CNTNAP2: variants seen among roughly 807,000 people sequenced by gnomAD.
CNTNAP2 encodes the protein contactin associated protein 2.
In CNTNAP2, 98 loss-of-function variants were observed where a neutral mutation model predicts 155.2. The observed-to-expected ratio is 0.63, with a 90% CI of 0.54 to 0.75. The LOEUF (loss-of-function observed/expected upper bound fraction) is 0.75, where lower values mean the gene tolerates loss of function less well. CNTNAP2 is among the 30% of genes least tolerant of loss of function. The pLI, the probability that CNTNAP2 is intolerant of heterozygous loss-of-function variation, is 0.00. For missense variants in CNTNAP2, 1,727 were observed against 1,688.1 expected (o/e 1.02, Z -0.40); for synonymous variants, 651 against 631.2 (o/e 1.03, Z -0.47).
chr7:146,953,814 A>G (rs1769772790), intron 3 of CNTNAP2, among the ~76,000 whole-genome samples: 1 of 151,956 alleles, frequency 6.6e-6, no homozygotes, highest in African/African-American at 2.4e-5. Flanking sequence ...CAAACTTGTC[A>G]ATGGAAAAGT....
rs192565760 is a variant in CNTNAP2, at chr7:146,804,628, T to A, written c.208+30247T>A. Reference sequence around the variant, plus strand: ...GTAAATATAAAAACACTTATATACATGGCAGATATCACTTGGTATTAATTC... The same window carrying A: ...GTAAATATAAAAACACTTATATACAAGGCAGATATCACTTGGTATTAATTC... On this transcript the variant is annotated intron_variant, in intron 2 of 23. Transcript: ENST00000361727. Among the ~76,000 whole-genome samples, 417 of 152,342 alleles carry A rather than the reference T, an allele frequency of 2.7e-3. 2 individuals are homozygous for A. Among genetic ancestry groups the A allele is most frequent in the Non-Finnish European group, 4.7e-3 (323 of 68,030 alleles).
chr7:146,363,002 C>T (rs10233309), intron 1 of CNTNAP2, among the ~76,000 whole-genome samples: 4,323 of 151,914 alleles, frequency 0.028, 186 homozygotes, highest in African/African-American at 0.099. Context: ...ATCTCTTGAC[C>T]TCATGATCCG....
At chr7:146,391,730 T>C (rs978200281) in intron 1 of CNTNAP2, among the ~76,000 whole-genome samples, 5 of 151,622 alleles carry the variant, frequency 3.3e-5, no homozygotes, top group African/African-American at 1.2e-4. Context: ...TCCATCTATT[T>C]CCCTGCAAAG....
intron 1 of CNTNAP2, among the ~76,000 whole-genome samples, chr7:146,550,399 C>CTTTTTTT (rs1584977002): frequency 4.8e-4 from 15 of 31,552 alleles, no homozygotes; most frequent in African/African-American, 3.3e-3. Context: ...GTCCATTAAT[C>CTTTTTTT]TGTTTTTTTT....
At chr7:148,187,109 TAC>T (rs142565546) in intron 18 of CNTNAP2, among the ~76,000 whole-genome samples, 6,873 of 49,142 alleles carry the variant, frequency 0.14, 199 homozygotes, top group Middle Eastern at 0.18. Flanking sequence ...CAAGGAAACA[TAC>T]ACACACACAC....
chr7:146,383,102 A>G (rs1298064476), intron 1 of CNTNAP2, among the ~76,000 whole-genome samples: 2 of 152,170 alleles, frequency 1.3e-5, no homozygotes, highest in Non-Finnish European at 2.9e-5. Flanking sequence ...CATGGAAACA[A>G]TGTGAATCTG....
chr7:146,990,009 C>T (rs998402667), intron 3 of CNTNAP2, among the ~76,000 whole-genome samples: 1 of 151,308 alleles, frequency 6.6e-6, no homozygotes, highest in Non-Finnish European at 1.5e-5. Context: ...GTCATATTTA[C>T]AGGGATATTA....
At chr7:148,148,270 T>C (rs1805232881) in intron 17 of CNTNAP2, among the ~76,000 whole-genome samples, 1 of 152,190 alleles carries the variant, frequency 6.6e-6, no homozygotes, top group Non-Finnish European at 1.5e-5. Flanking sequence ...AAAGTTAAAC[T>C]ACCTATGCAA....
intron 1 of CNTNAP2, among the ~76,000 whole-genome samples, chr7:146,233,629 C>T (rs574384764): frequency 6.6e-6 from 1 of 152,242 alleles, no homozygotes; most frequent in South Asian, 2.1e-4. Context: ...CCCCACACCA[C>T]AACAGTCCCC....
intron 1 of CNTNAP2, among the ~76,000 whole-genome samples, chr7:146,246,884 G>A (rs992928211): frequency 1.2e-4 from 19 of 152,180 alleles, no homozygotes; most frequent in South Asian, 4.1e-4. Flanking sequence ...ACGCCTGGTC[G>A]CTGCGTTTCA....
intron 8 of CNTNAP2, among the ~76,000 whole-genome samples, chr7:147,234,385 T>A (rs1382138549): frequency 7.5e-6 from 1 of 132,564 alleles, no homozygotes. Flanking sequence ...TCACTCAGGC[T>A]GGAGTGCAGT....
At chr7:147,632,397 G>T (rs913576578) in intron 12 of CNTNAP2, among the ~76,000 whole-genome samples, 2 of 152,140 alleles carry the variant, frequency 1.3e-5, no homozygotes, top group African/African-American at 2.4e-5. Context: ...GATAATGGGG[G>T]TGGTTTCCCT....
chr7:148,257,915 C>T (rs4725772), intron 20 of CNTNAP2, among the ~76,000 whole-genome samples: 105,423 of 150,992 alleles, frequency 0.7, 37,008 homozygotes, highest in South Asian at 0.85. Flanking sequence ...TAGGAATCCA[C>T]ACCTTAAACA....
chr7:146,407,260 T>A (rs1795805775), intron 1 of CNTNAP2, among the ~76,000 whole-genome samples: 1 of 152,184 alleles, frequency 6.6e-6, no homozygotes, highest in Non-Finnish European at 1.5e-5. Flanking sequence ...GTTTTGTGTC[T>A]TGTGGAAAAA....
intron 13 of CNTNAP2, among the ~76,000 whole-genome samples, chr7:147,800,715 G>C (rs1035313162): frequency 6.6e-6 from 1 of 152,146 alleles, no homozygotes; most frequent in African/African-American, 2.4e-5. Context: ...ACCCAGCATG[G>C]ACCTTCACTG....
chr7:147,454,870 A>G (rs1406937992), intron 10 of CNTNAP2, among the ~76,000 whole-genome samples: 1 of 152,072 alleles, frequency 6.6e-6, no homozygotes, highest in South Asian at 2.1e-4. Context: ...CTTTAATAAC[A>G]CTAGGTCTGC....
rs538484365 is a variant in CNTNAP2, at chr7:146,723,050, C to T, written c.98-51221C>T. ...TCTTAATAAACATATATGTTGAAGT[C>T]CTAAACCCTACTCCCTGTGAATGTA... On this transcript the variant is annotated intron_variant, in intron 1 of 23. Transcript: ENST00000361727. Among the ~76,000 whole-genome samples, 15 of 152,170 alleles carry T rather than the reference C, an allele frequency of 9.9e-5. 1 individual carries two copies. Among genetic ancestry groups the T allele is most frequent in the Middle Eastern group, 3.4e-3 (1 of 294 alleles).
At chr7:148,080,742 A>G (rs1803585508) in intron 15 of CNTNAP2, among the ~76,000 whole-genome samples, 1 of 152,178 alleles carries the variant, frequency 6.6e-6, no homozygotes, top group Non-Finnish European at 1.5e-5. Flanking sequence ...TATTTTATCT[A>G]GGAACACTTT....
chr7:146,536,597 C>T (rs988242606), intron 1 of CNTNAP2, among the ~76,000 whole-genome samples: 1 of 150,868 alleles, frequency 6.6e-6, no homozygotes, highest in African/African-American at 2.4e-5. Flanking sequence ...TGTTCCCCCC[C>T]CACCACCATT....
Sources: allele counts gnomAD v4.1 joint callset (sites outside exome capture counted in the v4.1 genomes callset), GRCh38; gene constraint gnomAD v4.1.1; transcripts MANE v1.5; gene names NCBI Gene and HGNC (gene_info 2026-07-23, HGNC 2026-07-21).